The following ITPR2 variants were observed in gnomAD, a reference collection of about 807,000 sequenced individuals.
ITPR2 encodes inositol 1,4,5-trisphosphate-gated calcium channel ITPR2.
A neutral mutation model predicts 317.1 loss-of-function variants in ITPR2; 207 were observed. The observed-to-expected ratio is 0.65, with a 90% confidence interval of 0.58 to 0.73. ITPR2 has a LOEUF of 0.73. ITPR2 is among the 30% of genes least tolerant of loss of function. The pLI is 0.00. For missense variants in ITPR2, 2,613 were observed against 3,284.0 expected, an observed-to-expected ratio of 0.80 and a Z score of 4.99; for synonymous variants, 1,156 against 1,149.1, an observed-to-expected ratio of 1.01 and a Z score of -0.12.
At chr12:26,415,617 C>A in intron 50 of ITPR2, 119 bp from the exon 51 acceptor site, 1 of 598,518 alleles carries the variant, frequency 1.7e-6, no homozygotes, top group Admixed American at 3.7e-5. Flanking sequence ...AAAGAAATAA[C>A]CTAAACCACC....
At chr12:26,438,402 T>C (rs1941410349) in intron 47 of ITPR2, among the ~76,000 whole-genome samples, 1 of 152,160 alleles carries the variant, frequency 6.6e-6, no homozygotes, top group Non-Finnish European at 1.5e-5. Flanking sequence ...CCTGTTTGTC[T>C]AGAAAACTCC....
At chr12:26,408,883 C>A (rs1940446529) in intron 52 of ITPR2, among the ~76,000 whole-genome samples, 1 of 151,992 alleles carries the variant, frequency 6.6e-6, no homozygotes, top group Non-Finnish European at 1.5e-5. Flanking sequence ...TAATAATAAA[C>A]TTTTTAACAT....
At chr12:26,725,854 A>G in intron 2 of ITPR2, 89 bp from the exon 3 acceptor site, 2 of 816,928 alleles carry the variant, frequency 2.4e-6, no homozygotes, top group South Asian at 3.0e-5. Context: ...GAATCTTGGA[A>G]TCCCTGATTA....
At chr12:26,486,997 T>C in intron 40 of ITPR2, 71 bp downstream of exon 40, 3 of 1,350,634 alleles carry the variant, frequency 2.2e-6, no homozygotes, top group Non-Finnish European at 3.2e-6. Flanking sequence ...CGAAAAATGT[T>C]AATGAGATTT....
chr12:26,603,205 C>T (rs1946044300), intron 26 of ITPR2, among the ~76,000 whole-genome samples: 1 of 152,082 alleles, frequency 6.6e-6, no homozygotes, highest in African/African-American at 2.4e-5. Context: ...GTTACCATGG[C>T]ATCCTTAAGA....
intron 55 of ITPR2, among the ~76,000 whole-genome samples, chr12:26,375,927 C>T (rs1290626702): frequency 2.0e-5 from 3 of 152,132 alleles, no homozygotes; most frequent in African/African-American, 7.2e-5. Flanking sequence ...GGAAAAACCC[C>T]GCCTCAACTA....
intron 34 of ITPR2, among the ~76,000 whole-genome samples, chr12:26,577,158 C>T (rs1945296380): frequency 6.6e-6 from 1 of 152,240 alleles, no homozygotes; most frequent in Non-Finnish European, 1.5e-5. Flanking sequence ...CACAGGTAAT[C>T]TGTTATAGCA....
chr12:26,449,622 G>A (rs1260934618), intron 45 of ITPR2, among the ~76,000 whole-genome samples: 1 of 152,158 alleles, frequency 6.6e-6, no homozygotes, highest in Non-Finnish European at 1.5e-5. Flanking sequence ...AACCATGTAA[G>A]AAGTGCATCT....
In ITPR2 at chr12:26,628,141, C is replaced by T. The variant is rs1416417189; in HGVS notation, c.2956G>A (p.Asp986Asn). The change falls in exon 23 of 57, where the codon GAT becomes AAT. Residue 986 changes from aspartate to asparagine, a missense_variant. Physicochemically the swap from Asp to Asn is conservative, Grantham distance 23 (BLOSUM62 1). Coordinates refer to ENST00000381340, the MANE Select transcript of ITPR2 (RefSeq NM_002223.4). ...ILQFILSVRL[D>N]YRISYMLSIY... ...GACAGCATATATGAGATCCTATAATCCAGTCTGACACTCAGGATAAACTAT... is the reference window on the plus strand; with the variant it reads ...GACAGCATATATGAGATCCTATAATTCAGTCTGACACTCAGGATAAACTAT... 1 of 1,603,946 alleles carries T rather than the reference C, an allele frequency of 6.2e-7. No individual in the cohort carries two copies. The highest frequency in any genetic ancestry group is 8.5e-7 in the Non-Finnish European group (1 of 1,172,962).
intron 30 of ITPR2, 136 bp from the exon 31 acceptor site, chr12:26,597,270 C>T: frequency 1.0e-6 from 1 of 1,002,974 alleles, no homozygotes; most frequent in Non-Finnish European, 1.5e-6. Context: ...CAGAGCTATG[C>T]TTGGGGAGGG....
At chr12:26,441,478 A>G (rs192334005) in intron 46 of ITPR2, among the ~76,000 whole-genome samples, 2 of 152,298 alleles carry the variant, frequency 1.3e-5, no homozygotes, top group East Asian at 1.9e-4. Flanking sequence ...CAATATTCCA[A>G]TGTGATAAAT....
intron 2 of ITPR2, among the ~76,000 whole-genome samples, chr12:26,735,752 G>A (rs1419161209): frequency 1.3e-5 from 2 of 152,238 alleles, no homozygotes; most frequent in Admixed American, 1.3e-4. Flanking sequence ...AACATATCCT[G>A]TGGTCAAGAG....
chr12:26,391,421 C>T (rs908658939), intron 54 of ITPR2, among the ~76,000 whole-genome samples: 4 of 152,072 alleles, frequency 2.6e-5, no homozygotes, highest in African/African-American at 9.7e-5. Flanking sequence ...GTCAGTTACT[C>T]TGGTGTGGCA....
chr12:26,498,938 G>A (rs897141214), intron 37 of ITPR2, among the ~76,000 whole-genome samples: 1 of 152,104 alleles, frequency 6.6e-6, no homozygotes, highest in South Asian at 2.1e-4. Context: ...CTGGCCTCAA[G>A]CAACCCTCTC....
Position 26,415,264 on chromosome 12 carries a change from TGCCATCA to T in ITPR2, c.7306+32_7306+38del. The T allele has an allele frequency of 2.2e-6, 3 of 1,345,048 alleles. No homozygotes were observed. The South Asian group carries it at 4.1e-5, about 18-fold the overall frequency. The allele number at this position is 1,345,048 out of a possible 1,614,324, so 83.3% of individuals were successfully genotyped here. The stretch of plus-strand genomic sequence containing the variant: ...TAACAAGCTACACACAAGTCATATC[TGCCATCA>T]GAGAAACCTCATTTAGTGGTAATAG... On this transcript the variant is annotated intron_variant, in intron 51 of 56. Transcript: ENST00000381340.
Position 26,435,347 on chromosome 12 carries a change from T to C in ITPR2, c.6769+874A>G, listed in dbSNP as rs142308865. On this transcript the variant is annotated intron_variant, in intron 48 of 56. Coordinates refer to ENST00000381340, the MANE Select transcript of ITPR2 (RefSeq NM_002223.4). ...ACTTTATTGAAGGTTTATCAGGTAC[T>C]ATTCTAAATGCTTTACCTATAGTAT... Among the ~76,000 whole-genome samples the C allele has an allele frequency of 3.9e-3, 593 of 152,360 alleles. 2 individuals carry two copies. The highest frequency in any genetic ancestry group is 0.01 in the Middle Eastern group (3 of 294).
At chr12:26,596,845 T>C in intron 31 of ITPR2, 38 bp downstream of exon 31, 2 of 1,486,204 alleles carry the variant, frequency 1.3e-6, no homozygotes, top group Non-Finnish European at 1.8e-6. Context: ...AAATTAATAA[T>C]GATTCTATTA....
intron 45 of ITPR2, among the ~76,000 whole-genome samples, chr12:26,467,659 A>G (rs1942200777): frequency 6.6e-6 from 1 of 152,174 alleles, no homozygotes; most frequent in African/African-American, 2.4e-5. Context: ...ACTCAGAAAT[A>G]AATACGTAAC....
In ITPR2 at chr12:26,338,046, G is replaced by A. The variant is rs141202107; in HGVS notation, c.*1351C>T. On this transcript the variant is annotated 3_prime_UTR_variant, in exon 57 of 57. Coordinates refer to ENST00000381340, the MANE Select transcript of ITPR2 (RefSeq NM_002223.4). ...GATAACTGAGAATTTAAAGACTCTG[G>A]AGGCAGTGTTTTGTTCCTGTGGGGG... is the stretch of plus-strand genomic sequence containing the variant. The A allele has an allele frequency of 1.3e-5, 2 of 152,324 alleles. No individual in the cohort carries two copies. The highest frequency in any genetic ancestry group is 2.4e-5 in the African/African-American group (1 of 41,556). 9.4% of individuals were successfully genotyped at this position (152,324 alleles called of 1,614,324 possible).
Sources: allele counts gnomAD v4.1 joint callset (sites outside exome capture counted in the v4.1 genomes callset), GRCh38; gene constraint gnomAD v4.1.1; transcripts MANE v1.5; gene names NCBI Gene and HGNC (gene_info 2026-07-23, HGNC 2026-07-21).